Variants in AP1B1 observed in about 807,000 individuals in gnomAD.
AP1B1 encodes AP-1 complex subunit beta-1.
Under a neutral mutation model 104.3 loss-of-function variants are expected in AP1B1, and 36 were observed. The ratio of observed to expected loss-of-function variants is 0.35; its 90% CI spans 0.26 to 0.46. The LOEUF (loss-of-function observed/expected upper bound fraction) is 0.46, where lower values mean the gene tolerates loss of function less well. Among genes scored for constraint, AP1B1 ranks in the 20% least tolerant of loss-of-function variants. The probability of loss-of-function intolerance (pLI) is 1.00; values close to 1 mark genes in which losing one functional copy is unlikely to be tolerated. For missense variants in AP1B1, 901 were observed against 1,247.9 expected (o/e 0.72, Z 4.19); for synonymous variants, 504 against 517.5 (o/e 0.97, Z 0.35).
intron 11 of AP1B1, among the ~76,000 whole-genome samples, chr22:29,346,973 G>A (rs1016222214): frequency 6.6e-6 from 1 of 152,088 alleles, no homozygotes; most frequent in Non-Finnish European, 1.5e-5. Flanking sequence ...GAGAGACCTC[G>A]CCAACCAGAG....
At chr22:29,373,054 G>A (rs1050384896) in intron 1 of AP1B1, among the ~76,000 whole-genome samples, 1 of 152,218 alleles carries the variant, frequency 6.6e-6, no homozygotes, top group Non-Finnish European at 1.5e-5. Flanking sequence ...GGGAGGCCAA[G>A]GCGGACAAAT....
In AP1B1 at chr22:29,329,047, A is replaced by G. The variant is rs1602675191; in HGVS notation, c.2776-152T>C. The G allele has an allele frequency of 8.3e-6, 12 of 1,442,612 alleles. No homozygotes were observed. The East Asian group carries it at 2.5e-4, about 31-fold the overall frequency. The allele number at this position is 1,442,612 out of a possible 1,614,324, so 89.4% of individuals were successfully genotyped here. A position where few individuals can be genotyped will look rare whatever the true frequency, so the allele number is the denominator to read the frequency against. ...TGCGCCTGGCACAGATGTGAGGTAA[A>G]GCGGAGGGGGCGGCTGTCGCAGCCA... is the stretch of plus-strand genomic sequence containing the variant. On this transcript the variant is annotated intron_variant, in intron 22 of 22. Coordinates refer to ENST00000357586, the MANE Select transcript of AP1B1 (RefSeq NM_001127.4).
At chr22:29,366,475 A>G (rs2062138397) in intron 2 of AP1B1, among the ~76,000 whole-genome samples, 1 of 152,160 alleles carries the variant, frequency 6.6e-6, no homozygotes. Context: ...CGTCTCTACC[A>G]AAAATACAAA....
intron 2 of AP1B1, among the ~76,000 whole-genome samples, chr22:29,363,463 C>T (rs1407823348): frequency 6.6e-6 from 1 of 152,184 alleles, no homozygotes; most frequent in East Asian, 1.9e-4. Context: ...TCCTGGCCAA[C>T]ATAGTGAAAC....
At chr22:29,366,636 A>G (rs1294306844) in intron 2 of AP1B1, among the ~76,000 whole-genome samples, 3 of 152,052 alleles carry the variant, frequency 2.0e-5, no homozygotes, top group Non-Finnish European at 2.9e-5. Context: ...TCTCAAAAAA[A>G]CAAGAAAGAA....
chr22:29,332,019 G>T, intron 17 of AP1B1, 103 bp from the exon 18 acceptor site: 1 of 1,233,350 alleles, frequency 8.1e-7, no homozygotes, highest in Non-Finnish European at 1.1e-6. Flanking sequence ...TTGGCAGGGA[G>T]CCTCTCACCG....
rs769123315 is a variant in AP1B1, at chr22:29,329,731, G to A, written c.2767-11C>T. 15 of 1,613,644 alleles carry A rather than the reference G, an allele frequency of 9.3e-6. No homozygotes were observed. The South Asian group carries it at 1.6e-4, about 18-fold the overall frequency. ...GCTAACCTCTAAGTCCTGCACCACG[G>A]GAACCAGCAGGGAAGGTGACATGCA... On this transcript the variant is annotated splice_polypyrimidine_tract_variant and intron_variant, in intron 21 of 22. Transcript: ENST00000357586.
intron 15 of AP1B1, 88 bp from the exon 16 acceptor site, chr22:29,339,221 G>C: frequency 6.7e-7 from 1 of 1,499,722 alleles, no homozygotes; most frequent in Non-Finnish European, 9.2e-7. Flanking sequence ...TGGCTCTTTA[G>C]AAGACACTGG....
chr22:29,386,111 T>C (rs1261432275), intron 1 of AP1B1, among the ~76,000 whole-genome samples: 1 of 151,984 alleles, frequency 6.6e-6, no homozygotes. Context: ...CTGCCTAGAG[T>C]CAAAGCACCC....
At chr22:29,339,727 C>A in intron 15 of AP1B1, 27 bp downstream of exon 15, 1 of 1,608,734 alleles carries the variant, frequency 6.2e-7, no homozygotes, top group Non-Finnish European at 8.5e-7. Flanking sequence ...AGGACGAAGG[C>A]TTGGTGACGC....
chr22:29,330,220 T>C, intron 21 of AP1B1, 158 bp downstream of exon 21: 1 of 1,476,208 alleles, frequency 6.8e-7, no homozygotes. Context: ...GGGGTTGATT[T>C]GGAAGCTTTC....
intron 11 of AP1B1, among the ~76,000 whole-genome samples, chr22:29,346,524 G>A (rs1215725494): frequency 1.3e-5 from 2 of 152,230 alleles, no homozygotes; most frequent in African/African-American, 4.8e-5. Flanking sequence ...GCGCTCCTAT[G>A]AGAATCTAAT....
chr22:29,373,171 G>A (rs925389751), intron 1 of AP1B1, among the ~76,000 whole-genome samples: 2 of 152,038 alleles, frequency 1.3e-5, no homozygotes, highest in African/African-American at 4.8e-5. Context: ...CTCAGGAGGC[G>A]GAGGTGGGAG....
chr22:29,340,505 G>A (rs1023153978), intron 14 of AP1B1, 151 bp downstream of exon 14: 15 of 846,094 alleles, frequency 1.8e-5, no homozygotes, highest in Admixed American at 6.1e-5. Flanking sequence ...ATCATAAGTA[G>A]GGAGCTACAC....
At chr22:29,380,652 T>C (rs184281738) in intron 1 of AP1B1, among the ~76,000 whole-genome samples, 32 of 152,284 alleles carry the variant, frequency 2.1e-4, no homozygotes, top group African/African-American at 6.7e-4. Flanking sequence ...GCAAATCCTA[T>C]TGGATTCCGA....
intron 17 of AP1B1, chr22:29,332,371 A>G (rs1428399208): frequency 6.5e-6 from 1 of 155,010 alleles, no homozygotes; most frequent in Admixed American, 6.4e-5. Context: ...GCAAGACGCT[A>G]GATTTTACTC....
intron 2 of AP1B1, among the ~76,000 whole-genome samples, chr22:29,363,517 G>A (rs567970266): frequency 1.2e-4 from 18 of 152,158 alleles, no homozygotes; most frequent in African/African-American, 3.1e-4. Flanking sequence ...GCATAGTGGC[G>A]CGTGCCTGTA....
chr22:29,371,727 C>CA (rs1003125288), intron 1 of AP1B1, among the ~76,000 whole-genome samples: 65 of 135,762 alleles, frequency 4.8e-4, no homozygotes, highest in Admixed American at 1.8e-3. Context: ...GACTCCGTCT[C>CA]AAAAAAAAAA....
chr22:29,374,664 T>C (rs1312466085), intron 1 of AP1B1, among the ~76,000 whole-genome samples: 1 of 152,238 alleles, frequency 6.6e-6, no homozygotes. Flanking sequence ...CGCCCTCATT[T>C]GAGGCTAGTG....
Sources: allele counts gnomAD v4.1 joint callset (sites outside exome capture counted in the v4.1 genomes callset), GRCh38; gene constraint gnomAD v4.1.1; transcripts MANE v1.5; gene names NCBI Gene and HGNC (gene_info 2026-07-23, HGNC 2026-07-21).